The following QSER1 variants were observed in gnomAD, a reference collection of about 807,000 sequenced individuals.
QSER1 encodes glutamine and serine rich 1.
A neutral mutation model predicts 158.5 loss-of-function variants in QSER1; 49 were observed. The observed-to-expected ratio is 0.31, with a 90% CI of 0.25 to 0.39. The LOEUF (loss-of-function observed/expected upper bound fraction) is 0.39. QSER1 is among the 10% of genes least tolerant of loss of function. The pLI, the probability that QSER1 is intolerant of heterozygous loss-of-function variation, is 1.00. For missense variants in QSER1, 1,754 were observed against 2,010.3 expected, an observed-to-expected ratio of 0.87 and a Z score of 2.44; for synonymous variants, 650 against 715.5, an observed-to-expected ratio of 0.91 and a Z score of 1.46.
chr11:32,932,749 A>G lies in QSER1; in HGVS notation c.1491A>G (p.Lys497=), dbSNP rs751735499. The change falls in exon 4 of 13, where the codon AAA becomes AAG. Residue 497 remains lysine, a synonymous_variant. Coordinates refer to ENST00000650167, the MANE Select transcript of QSER1 (RefSeq NM_001076786.3). Reference sequence around the variant, plus strand: ...TTTATAGGTCCAGCAAGGTTGAGAAATTGCCACCCTTGTATAAAACATTGA... The same window carrying G: ...TTTATAGGTCCAGCAAGGTTGAGAAGTTGCCACCCTTGTATAAAACATTGA... ...SQVYRSSKVE[K]LPPLYKTLTF... is the part of the protein sequence containing the mutation. The G allele has an allele frequency of 1.1e-5, 17 of 1,614,124 alleles. No homozygotes were observed. The South Asian group carries it at 1.9e-4, about 18-fold the overall frequency.
At chr11:32,958,817 A>G (rs1189750997) in intron 8 of QSER1, among the ~76,000 whole-genome samples, 1 of 152,218 alleles carries the variant, frequency 6.6e-6, no homozygotes, top group East Asian at 1.9e-4. Flanking sequence ...GCTTACTACT[A>G]TATATCTGCC....
chr11:32,928,042 A>G lies in QSER1; in HGVS notation c.403A>G (p.Thr135Ala), dbSNP rs764779354. The change falls in exon 3 of 13, where the codon ACT becomes GCT. Residue 135 changes from threonine (T) to alanine (A), a missense_variant. Thr to Ala is a moderately conservative substitution (Grantham distance 58, BLOSUM62 0). Around this residue, in one of 2 missense-constraint regions of QSER1, gnomAD observed 1,707 missense variants for 1,919.6 expected, o/e 0.89. Coordinates refer to ENST00000650167, the MANE Select transcript of QSER1 (RefSeq NM_001076786.3). ...GTCTTCAGTGATGAATTTTCTGTCT[A>G]CTGCTGAATCCCGAACTGCTCAGGC... The part of the protein sequence containing the change: ...KESSVMNFLS[T>A]AESRTAQAAA... The G allele has an allele frequency of 7.4e-6, 12 of 1,612,248 alleles. No homozygotes were observed. The Admixed American group carries it at 8.3e-5, about 11-fold the overall frequency.
At chr11:32,929,117 T>C (rs979225967) in intron 3 of QSER1, among the ~76,000 whole-genome samples, 1 of 152,122 alleles carries the variant, frequency 6.6e-6, no homozygotes, top group Admixed American at 6.5e-5. Context: ...AATTTTGTTT[T>C]GTTTTGTTTT....
chr11:32,959,694 T>A (rs1430712686), intron 8 of QSER1, among the ~76,000 whole-genome samples: 1 of 152,162 alleles, frequency 6.6e-6, no homozygotes, highest in Non-Finnish European at 1.5e-5. Context: ...TCTTAGAAAT[T>A]ATCTGATTAG....
At chr11:32,922,997 T>G (rs116824694) in intron 1 of QSER1, among the ~76,000 whole-genome samples, 7 of 152,210 alleles carry the variant, frequency 4.6e-5, no homozygotes, top group Non-Finnish European at 8.8e-5. Flanking sequence ...CAAAAACTTA[T>G]GCACATGTGT....
At chr11:32,937,616 C>G (rs902876324) in intron 4 of QSER1, among the ~76,000 whole-genome samples, 2 of 152,184 alleles carry the variant, frequency 1.3e-5, no homozygotes, top group African/African-American at 4.8e-5. Context: ...GTCTCTATGC[C>G]AGTCCATCCT....
chr11:32,957,707 G>T (rs1363358667), intron 7 of QSER1, 162 bp from the exon 8 acceptor site: 2 of 598,320 alleles, frequency 3.3e-6, no homozygotes, highest in African/African-American at 1.9e-5. Context: ...AAATTTTATG[G>T]GAATCACCAT....
chr11:32,933,824 T>C lies in QSER1; in HGVS notation c.2566T>C (p.Leu856=), dbSNP rs369204865. The C allele has an allele frequency of 2.2e-4, 348 of 1,613,528 alleles. No homozygotes were observed. The highest frequency in any genetic ancestry group is 2.7e-4 in the Non-Finnish European group (320 of 1,179,872). The part of the protein sequence containing the change: ...QASLPNTQVL[L]DSACDLQILQ... Reference sequence around the variant, plus strand: ...ATCTCTTCCTAATACACAGGTCCTTTTAGATTCTGCCTGTGATTTACAAAT... The same window carrying C: ...ATCTCTTCCTAATACACAGGTCCTTCTAGATTCTGCCTGTGATTTACAAAT... The change falls in exon 4 of 13, where the codon TTA becomes CTA. Residue 856 remains leucine, a synonymous_variant. Coordinates refer to ENST00000650167, the MANE Select transcript of QSER1 (RefSeq NM_001076786.3).
intron 1 of QSER1, among the ~76,000 whole-genome samples, chr11:32,894,206 GA>G (rs1415409565): frequency 6.6e-6 from 1 of 152,146 alleles, no homozygotes; most frequent in Non-Finnish European, 1.5e-5. Flanking sequence ...ATGACCAAGG[GA>G]ATCTAAAATT....
At chr11:32,973,024 G>A (rs543877600) in intron 10 of QSER1, among the ~76,000 whole-genome samples, 1 of 152,296 alleles carries the variant, frequency 6.6e-6, no homozygotes, top group East Asian at 1.9e-4. Flanking sequence ...CCTTTCTCCT[G>A]CCTTGAAGCC....
chr11:32,925,693 A>C (rs1441365706), intron 1 of QSER1, among the ~76,000 whole-genome samples: 1 of 151,692 alleles, frequency 6.6e-6, no homozygotes, highest in Non-Finnish European at 1.5e-5. Flanking sequence ...ACGCCCAGCT[A>C]ATTTTTGTAT....
chr11:32,894,842 C>T (rs1851534848), intron 1 of QSER1, among the ~76,000 whole-genome samples: 1 of 152,168 alleles, frequency 6.6e-6, no homozygotes, highest in Non-Finnish European at 1.5e-5. Context: ...TAAGGAGTTT[C>T]ATGAAAGACG....
intron 1 of QSER1, among the ~76,000 whole-genome samples, chr11:32,907,445 A>T (rs1851708943): frequency 6.6e-6 from 1 of 152,258 alleles, no homozygotes; most frequent in Non-Finnish European, 1.5e-5. Context: ...AATAATACAT[A>T]AAATTGTGTT....
intron 4 of QSER1, among the ~76,000 whole-genome samples, chr11:32,943,060 T>C (rs1852267635): frequency 1.3e-5 from 2 of 151,002 alleles, no homozygotes; most frequent in East Asian, 1.9e-4. Context: ...ATAGGAATGC[T>C]TGTGATTTTT....
intron 1 of QSER1, among the ~76,000 whole-genome samples, chr11:32,913,471 G>GTGC (rs1160544978): frequency 6.6e-6 from 1 of 151,898 alleles, no homozygotes; most frequent in East Asian, 1.9e-4. Flanking sequence ...GGGATTACAG[G>GTGC]TGCGAGCTAC....
At chr11:32,974,610 C>A (rs950149943) in intron 11 of QSER1, among the ~76,000 whole-genome samples, 5 of 152,164 alleles carry the variant, frequency 3.3e-5, no homozygotes, top group African/African-American at 1.2e-4. Context: ...TAGATTTGTT[C>A]ATTCTTTCAG....
Position 32,934,239 on chromosome 11 carries a change from C to T in QSER1, c.2981C>T (p.Thr994Ile). Reference sequence around the variant, plus strand: ...GCTACAGCAGCAGCTTGTGGAGTTACACCTACTGATTTTTCCAAGTCAACT... The same window carrying T: ...GCTACAGCAGCAGCTTGTGGAGTTATACCTACTGATTTTTCCAAGTCAACT... Reference protein sequence around the residue: ...LAATAAACGVTPTDFSKSTSN... With the variant: ...LAATAAACGVIPTDFSKSTSN... The change falls in exon 4 of 13, where the codon ACA becomes ATA. Residue 994 changes from threonine to isoleucine, a missense_variant. Coordinates refer to ENST00000650167, the MANE Select transcript of QSER1 (RefSeq NM_001076786.3). The T allele has an allele frequency of 1.2e-6, 2 of 1,613,900 alleles. No individual in the cohort carries two copies. The highest frequency in any genetic ancestry group is 2.2e-5 in the East Asian group (1 of 44,880).
intron 4 of QSER1, among the ~76,000 whole-genome samples, chr11:32,946,821 A>T (rs1192153491): frequency 6.6e-6 from 1 of 151,752 alleles, no homozygotes; most frequent in Non-Finnish European, 1.5e-5. Context: ...GGGCGCCCCT[A>T]CCCCAGCCTC....
chr11:32,925,494 T>TTTTA (rs374397828), intron 1 of QSER1, among the ~76,000 whole-genome samples: 31,518 of 143,412 alleles, frequency 0.22, 3,779 homozygotes, highest in Admixed American at 0.3. Context: ...TACATCGCTT[T>TTTTA]TTTATTTATT....
Sources: allele counts gnomAD v4.1 joint callset (sites outside exome capture counted in the v4.1 genomes callset), GRCh38; gene constraint gnomAD v4.1.1; regional missense constraint gnomAD v4.1.1; transcripts MANE v1.5; gene names NCBI Gene and HGNC (gene_info 2026-07-23, HGNC 2026-07-21).